Variants in FNDC3B observed in about 807,000 individuals in gnomAD.
The protein encoded by FNDC3B is fibronectin type III domain-containing protein 3B.
In FNDC3B, 12 loss-of-function variants were observed where a neutral mutation model predicts 151.5. The observed-to-expected ratio is 0.08, with a 90% confidence interval of 0.05 to 0.13. The LOEUF (loss-of-function observed/expected upper bound fraction) is 0.13. Among genes scored for constraint, FNDC3B ranks in the 10% least tolerant of loss-of-function variants. The probability of loss-of-function intolerance (pLI) is 1.00; values close to 1 mark genes in which losing one functional copy is unlikely to be tolerated. For synonymous variants in FNDC3B, 528 were observed against 549.0 expected (o/e 0.96, Z 0.54); for missense variants, 1,214 against 1,505.3 (o/e 0.81, Z 3.20).
At chr3:172,127,483 T>C (rs774280987) in intron 2 of FNDC3B, among the ~76,000 whole-genome samples, 3 of 152,164 alleles carry the variant, frequency 2.0e-5, no homozygotes, top group African/African-American at 4.8e-5. Flanking sequence ...GTTTCCCCAC[T>C]TGTAAAATCT....
chr3:172,185,717 A>G (rs1724141307), intron 3 of FNDC3B, among the ~76,000 whole-genome samples: 1 of 152,270 alleles, frequency 6.6e-6, no homozygotes, highest in Non-Finnish European at 1.5e-5. Context: ...GCCAGAAAAC[A>G]GGCCAATGGA....
chr3:172,286,788 G>GT (rs1315583639), intron 7 of FNDC3B, among the ~76,000 whole-genome samples: 1 of 152,146 alleles, frequency 6.6e-6, no homozygotes, highest in African/African-American at 2.4e-5. Flanking sequence ...GCCACTGGGG[G>GT]TTTTTGAGCA....
chr3:172,279,296 C>A (rs1729585364), intron 6 of FNDC3B, among the ~76,000 whole-genome samples: 1 of 152,166 alleles, frequency 6.6e-6, no homozygotes, highest in African/African-American at 2.4e-5. Context: ...GGAAATTAGC[C>A]CCTGTTGTCC....
chr3:172,345,566 A>G (rs1261344480), intron 19 of FNDC3B, among the ~76,000 whole-genome samples: 3 of 152,108 alleles, frequency 2.0e-5, no homozygotes, highest in Non-Finnish European at 4.4e-5. Context: ...TGTTATGTTG[A>G]GAGGTGGTTT....
At chr3:172,044,827 T>G (rs1220148453) in intron 1 of FNDC3B, among the ~76,000 whole-genome samples, 2 of 152,282 alleles carry the variant, frequency 1.3e-5, no homozygotes, top group African/African-American at 4.8e-5. Flanking sequence ...AAATGAGAAA[T>G]GTACTATAAT....
At chr3:172,085,390 G>A (rs955398440) in intron 1 of FNDC3B, among the ~76,000 whole-genome samples, 5 of 152,136 alleles carry the variant, frequency 3.3e-5, no homozygotes, top group Non-Finnish European at 1.5e-5. Flanking sequence ...GTTAGTGAAG[G>A]TCTTGAACTA....
At chr3:172,079,869 C>T (rs892809569) in intron 1 of FNDC3B, among the ~76,000 whole-genome samples, 1 of 141,132 alleles carries the variant, frequency 7.1e-6, no homozygotes, top group Non-Finnish European at 1.5e-5. Flanking sequence ...GCCAACCTAG[C>T]TGTTGATCTG....
chr3:172,253,959 T>G (rs1203519977), intron 6 of FNDC3B, among the ~76,000 whole-genome samples: 1 of 152,182 alleles, frequency 6.6e-6, no homozygotes, highest in African/African-American at 2.4e-5. Flanking sequence ...TTTGTATTTT[T>G]GGTAGAGATG....
At chr3:172,198,406 A>G (rs1724962260) in intron 3 of FNDC3B, among the ~76,000 whole-genome samples, 2 of 152,180 alleles carry the variant, frequency 1.3e-5, no homozygotes, top group African/African-American at 2.4e-5. Flanking sequence ...ATAAAAACAC[A>G]TATTTATTTT....
At chr3:172,106,436 G>T (rs543952181) in intron 1 of FNDC3B, among the ~76,000 whole-genome samples, 1 of 152,330 alleles carries the variant, frequency 6.6e-6, no homozygotes, top group East Asian at 1.9e-4. Context: ...CTCTCATCCA[G>T]GCTGGCCCGG....
intron 10 of FNDC3B, among the ~76,000 whole-genome samples, chr3:172,310,286 A>G (rs1731402868): frequency 6.6e-6 from 1 of 152,236 alleles, no homozygotes; most frequent in African/African-American, 2.4e-5. Context: ...CGTATGAAGG[A>G]TGAATAGCCT....
At chr3:172,364,892 T>A (rs1305365826) in intron 23 of FNDC3B, among the ~76,000 whole-genome samples, 1 of 152,240 alleles carries the variant, frequency 6.6e-6, no homozygotes, top group African/African-American at 2.4e-5. Context: ...CAAATTTATC[T>A]TTTTAAATTA....
At chr3:172,336,274 A>G (rs1377788905) in intron 15 of FNDC3B, among the ~76,000 whole-genome samples, 3 of 152,232 alleles carry the variant, frequency 2.0e-5, no homozygotes, top group Non-Finnish European at 4.4e-5. Context: ...TAATAAGGGT[A>G]CATTCTTTAT....
intron 17 of FNDC3B, among the ~76,000 whole-genome samples, chr3:172,342,290 T>A (rs1733365273): frequency 6.6e-6 from 1 of 152,176 alleles, no homozygotes; most frequent in Non-Finnish European, 1.5e-5. Context: ...GTGGAGTAAA[T>A]CCAAATCAAA....
chr3:172,273,240 A>G (rs1448400407), intron 6 of FNDC3B, among the ~76,000 whole-genome samples: 1 of 152,254 alleles, frequency 6.6e-6, no homozygotes, highest in African/African-American at 2.4e-5. Flanking sequence ...AATTTGAACA[A>G]TGAAGACTGG....
chr3:172,099,926 C>A (rs959222303), intron 1 of FNDC3B, among the ~76,000 whole-genome samples: 7 of 151,876 alleles, frequency 4.6e-5, no homozygotes, highest in African/African-American at 1.5e-4. Flanking sequence ...TCTGGGAGAC[C>A]CTTGGGTACT....
At chr3:172,084,016 A>T (rs917407712) in intron 1 of FNDC3B, among the ~76,000 whole-genome samples, 1 of 152,210 alleles carries the variant, frequency 6.6e-6, no homozygotes, top group African/African-American at 2.4e-5. Context: ...ATAAAAAAGT[A>T]AAAGCCTCTC....
chr3:172,396,262 T>G (rs1249149446), intron 25 of FNDC3B, among the ~76,000 whole-genome samples: 1 of 152,158 alleles, frequency 6.6e-6, no homozygotes, highest in Non-Finnish European at 1.5e-5. Context: ...TCTGCATGAT[T>G]CCATTTATAT....
chr3:172,307,151 G>A, intron 9 of FNDC3B: 1 of 538,296 alleles, frequency 1.9e-6, no homozygotes, highest in Non-Finnish European at 3.3e-6. Flanking sequence ...GAGCTGGGTG[G>A]CACACACTGA....
Sources: allele counts gnomAD v4.1 joint callset (sites outside exome capture counted in the v4.1 genomes callset), GRCh38; gene constraint gnomAD v4.1.1; transcripts MANE v1.5; gene names NCBI Gene and HGNC (gene_info 2026-07-23, HGNC 2026-07-21).